EIF3H: variants seen among roughly 807,000 people sequenced by gnomAD.
The protein encoded by EIF3H is eukaryotic translation initiation factor 3 subunit H, also known as eIF-3-gamma.
Under a neutral mutation model 44.2 loss-of-function variants are expected in EIF3H, and 26 were observed. The observed-to-expected ratio is 0.59, with a 90% CI of 0.43 to 0.82. The LOEUF (loss-of-function observed/expected upper bound fraction) is 0.82. Among genes scored for constraint, EIF3H ranks in the 40% least tolerant of loss-of-function variants. The pLI is 0.00. For missense variants in EIF3H, 359 were observed against 432.8 expected (o/e 0.83, Z 1.51); for synonymous variants, 166 against 151.9 (o/e 1.09, Z -0.68).
intron 2 of EIF3H, among the ~76,000 whole-genome samples, chr8:116,660,811 T>C (rs1813574250): frequency 1.3e-5 from 2 of 152,176 alleles, no homozygotes; most frequent in Admixed American, 6.5e-5. Context: ...ACCAGACACT[T>C]TGTATACCAA....
At chr8:116,765,053 G>A (rs1815555755) in intron 1 of EIF3H, among the ~76,000 whole-genome samples, 1 of 152,116 alleles carries the variant, frequency 6.6e-6, no homozygotes, top group Non-Finnish European at 1.5e-5. Flanking sequence ...ATAAATCTGA[G>A]GCTATTTAAG....
chr8:116,716,248 A>C (rs533869121), intron 2 of EIF3H, among the ~76,000 whole-genome samples: 3 of 152,122 alleles, frequency 2.0e-5, no homozygotes, highest in African/African-American at 7.2e-5. Flanking sequence ...GCACAGCTCC[A>C]AAGTATAAAG....
intron 2 of EIF3H, among the ~76,000 whole-genome samples, chr8:116,663,073 A>G (rs2130801948): frequency 6.6e-6 from 1 of 152,342 alleles, no homozygotes; most frequent in East Asian, 1.9e-4. Flanking sequence ...GCCATGTCAT[A>G]GCCCACAGGC....
intron 1 of EIF3H, among the ~76,000 whole-genome samples, chr8:116,733,764 GA>G (rs1166831841): frequency 7.3e-5 from 11 of 151,642 alleles, no homozygotes; most frequent in African/African-American, 2.7e-4. Flanking sequence ...TGCAAGCTTT[GA>G]AAAAAATTAA....
At position 116,707,473 on chromosome 8, in the gene EIF3H, T is replaced by C. The variant is rs182398092; in HGVS notation, c.289+18543A>G. ...GGTGCTTTTTACAAAGTATTCAAGA[T>C]AGAAGGGAAGGCAAACAGGAATTTA... On this transcript the variant is annotated intron_variant, in intron 2 of 7. Transcript: ENST00000521861. 5.6e-3 allele frequency among the ~76,000 whole-genome samples: 856 copies of C among 152,290 alleles called. 9 individuals carry two copies. The highest frequency in any genetic ancestry group is 0.035 in the Admixed American group (533 of 15,292).
chr8:116,679,281 T>A (rs1454655631), intron 2 of EIF3H, among the ~76,000 whole-genome samples: 7 of 39,662 alleles, frequency 1.8e-4, no homozygotes, highest in African/African-American at 3.3e-4. Context: ...AGCCGCCCCG[T>A]CCGGGAGGGA....
At chr8:116,766,181 A>G (rs1563666840) in exon 1 of EIF3H, 1 of 161,238 alleles carries the variant, frequency 6.2e-6, no homozygotes, top group Non-Finnish European at 1.4e-5. Flanking sequence ...AGTGTCTGGA[A>G]CATATTAAGG....
rs569439093 is a variant in EIF3H, at chr8:116,748,906, T to C, written c.132+6760A>G. On this transcript the variant is annotated intron_variant, in intron 1 of 7. Transcript: ENST00000521861. ...TAAATAATTATTATACTGTATTGGT[T>C]TTTATTTGTATTTTTAGTTGTTTTT... Among the ~76,000 whole-genome samples the C allele has an allele frequency of 3.2e-4, 48 of 152,314 alleles. 2 individuals carry two copies. The South Asian group carries it at 8.1e-3, about 26-fold the overall frequency.
chr8:116,735,647 C>A (rs1815022041), intron 1 of EIF3H, among the ~76,000 whole-genome samples: 1 of 152,072 alleles, frequency 6.6e-6, no homozygotes, highest in South Asian at 2.1e-4. Flanking sequence ...AGAGAATAAG[C>A]CAAAACACCA....
chr8:116,756,091 T>G, upstream of EIF3H: 1 of 1,260,082 alleles, frequency 7.9e-7, no homozygotes. Context: ...AGCATTACAG[T>G]TCGCATTATT....
chr8:116,723,326 A>G (rs905533047), intron 2 of EIF3H, among the ~76,000 whole-genome samples: 1 of 152,208 alleles, frequency 6.6e-6, no homozygotes, highest in Non-Finnish European at 1.5e-5. Flanking sequence ...GCATGTATAG[A>G]GAAACAGAGG....
chr8:116,693,705 C>T (rs1236933418), intron 2 of EIF3H, among the ~76,000 whole-genome samples: 5 of 151,542 alleles, frequency 3.3e-5, no homozygotes, highest in African/African-American at 1.2e-4. Flanking sequence ...TTTTAAGAGA[C>T]AGGGTCTTGC....
chr8:116,697,022 A>G (rs1483719358), intron 2 of EIF3H: 3 of 453,424 alleles, frequency 6.6e-6, no homozygotes, highest in Non-Finnish European at 1.3e-5. Flanking sequence ...CAGAGATAAC[A>G]GTAGTCTCAC....
Position 116,748,300 on chromosome 8 carries a change from T to G in EIF3H, c.132+7366A>C, listed in dbSNP as rs187377076. On this transcript the variant is annotated intron_variant, in intron 1 of 7. Coordinates refer to ENST00000521861, the MANE Select transcript of EIF3H (RefSeq NM_003756.3). ...CAAAGCTGTTGTGAGGATCACAACA[T>G]CTAAAATTTAACAAAAAATTTAACC... is the stretch of plus-strand genomic sequence containing the variant. Among the ~76,000 whole-genome samples the G allele has an allele frequency of 2.7e-3, 414 of 152,272 alleles. 1 individual carries two copies. Among genetic ancestry groups the G allele is most frequent in the Non-Finnish European group, 4.6e-3 (314 of 68,024 alleles).
At chr8:116,761,029 A>G (rs1815514552) in intron 1 of EIF3H, among the ~76,000 whole-genome samples, 1 of 152,212 alleles carries the variant, frequency 6.6e-6, no homozygotes, top group African/African-American at 2.4e-5. Flanking sequence ...TTTAGTGTGA[A>G]CTTCTCTATC....
chr8:116,709,644 G>GC (rs1277023565), intron 2 of EIF3H, among the ~76,000 whole-genome samples: 1 of 152,162 alleles, frequency 6.6e-6, no homozygotes, highest in East Asian at 1.9e-4. Flanking sequence ...GTTACAACTT[G>GC]TAAGATTTTG....
At position 116,643,207 on chromosome 8, in the gene EIF3H, G is replaced by A. The variant is rs543412801; in HGVS notation, c.*1799C>T. 4 of 152,302 alleles carry A rather than the reference G, an allele frequency of 2.6e-5. No homozygotes were observed. The highest frequency in any genetic ancestry group is 1.9e-4 in the East Asian group (1 of 5,180). 9.4% of individuals were successfully genotyped at this position (152,302 alleles called of 1,614,324 possible). A position where few individuals can be genotyped will look rare whatever the true frequency, so the allele number is the denominator to read the frequency against. ...TTTTACCTGTTAATATATCCCTTCTGTCTAACACAGTCACACTCAAATTTG... is the reference window on the plus strand; with the variant it reads ...TTTTACCTGTTAATATATCCCTTCTATCTAACACAGTCACACTCAAATTTG... On this transcript the variant is annotated 3_prime_UTR_variant, in exon 8 of 8. Coordinates refer to ENST00000521861, the MANE Select transcript of EIF3H (RefSeq NM_003756.3).
chr8:116,722,330 T>C (rs568942968), intron 2 of EIF3H, among the ~76,000 whole-genome samples: 1 of 152,304 alleles, frequency 6.6e-6, no homozygotes, highest in African/African-American at 2.4e-5. Context: ...TGTGGAACTG[T>C]GAATCCATTA....
rs1269557526 is a variant in EIF3H, at chr8:116,642,440, TTTAAG to T, written c.*2561_*2565del. 2 of 152,264 alleles carry T rather than the reference TTTAAG, an allele frequency of 1.3e-5. No homozygotes were observed. Among genetic ancestry groups the T allele is most frequent in the East Asian group, 1.9e-4 (1 of 5,188 alleles). The allele number at this position is 152,264 out of a possible 1,614,324, so 9.4% of individuals were successfully genotyped here. On this transcript the variant is annotated 3_prime_UTR_variant, in exon 8 of 8. Coordinates refer to ENST00000521861, the MANE Select transcript of EIF3H (RefSeq NM_003756.3). ...AAAATAGGTAAAAAAATTATTTTAGTTTAAGTTGATATTAAAAACACATTGGGAGC... is the reference window on the plus strand; with the variant it reads ...AAAATAGGTAAAAAAATTATTTTAGTTTGATATTAAAAACACATTGGGAGC...
Sources: gnomAD v4.1 joint callset for allele counts (sites outside exome capture counted in the v4.1 genomes callset) on GRCh38, gnomAD v4.1.1 for gene constraint, MANE v1.5 for transcripts, NCBI Gene and HGNC (gene_info 2026-07-23, HGNC 2026-07-21) for gene names.